ARHGEF38: variants seen among roughly 807,000 people sequenced by gnomAD.
ARHGEF38 encodes Rho guanine nucleotide exchange factor (GEF) 38.
ARHGEF38 carries 79 observed loss-of-function variants against 79.9 expected under a neutral mutation model. The ratio of observed to expected loss-of-function variants is 0.99; its 90% CI spans 0.82 to 1.19. The LOEUF is 1.19. Ranked by LOEUF, ARHGEF38 falls within the 50% of genes most tolerant of loss-of-function variation. The probability of loss-of-function intolerance (pLI) is 0.00; values close to 1 mark genes in which losing one functional copy is unlikely to be tolerated. For synonymous variants in ARHGEF38, 366 were observed against 328.3 expected, an observed-to-expected ratio of 1.11 and a Z score of -1.24; for missense variants, 962 against 907.2, an observed-to-expected ratio of 1.06 and a Z score of -0.78.
intron 1 of ARHGEF38, among the ~76,000 whole-genome samples, chr4:105,565,798 T>A (rs549511230): frequency 1.3e-5 from 2 of 152,200 alleles, no homozygotes; most frequent in African/African-American, 4.8e-5. Flanking sequence ...TTTCTTTAAA[T>A]GGCACCATGA....
chr4:105,554,942 A>G (rs3822274), intron 1 of ARHGEF38, among the ~76,000 whole-genome samples: 110,014 of 151,994 alleles, frequency 0.72, 41,265 homozygotes, highest in Non-Finnish European at 0.84. Flanking sequence ...CCCTAATGAC[A>G]TGTTTTTTCT....
intron 2 of ARHGEF38, among the ~76,000 whole-genome samples, chr4:105,595,190 C>G (rs1178133050): frequency 6.6e-6 from 1 of 152,130 alleles, no homozygotes; most frequent in Non-Finnish European, 1.5e-5. Context: ...TAGAGGCAAA[C>G]TCCATTACCA....
chr4:105,648,639 G>A lies in ARHGEF38; in HGVS notation c.965G>A (p.Arg322Lys), dbSNP rs1729955213. ...NIHSISKKSKRVTNHLKILTR... is the reference protein window; with the variant it reads ...NIHSISKKSKKVTNHLKILTR... The stretch of plus-strand genomic sequence containing the variant: ...CATTCAATTAGCAAGAAATCAAAAA[G>A]AGTGACAAATCATCTGAAGATTCTG... The change falls in exon 7 of 14, where the codon AGA becomes AAA. Residue 322 changes from arginine to lysine, a missense_variant. Transcript: ENST00000420470. The A allele has an allele frequency of 6.5e-7, 1 of 1,533,118 alleles. No homozygotes were observed. Among genetic ancestry groups the A allele is most frequent in the East Asian group, 2.4e-5 (1 of 40,836 alleles). 95.0% of individuals were successfully genotyped at this position (1,533,118 alleles called of 1,614,324 possible).
At chr4:105,609,628 A>C (rs1728199294) in intron 2 of ARHGEF38, among the ~76,000 whole-genome samples, 1 of 152,114 alleles carries the variant, frequency 6.6e-6, no homozygotes, top group South Asian at 2.1e-4. Flanking sequence ...ATGCAACCAC[A>C]CAAGACCCTG....
At chr4:105,641,883 A>G (rs1176251565) in intron 5 of ARHGEF38, among the ~76,000 whole-genome samples, 1 of 152,202 alleles carries the variant, frequency 6.6e-6, no homozygotes, top group Admixed American at 6.5e-5. Context: ...AGACCCAAAA[A>G]TAATTTGTAA....
chr4:105,645,889 C>T (rs1729819462), intron 6 of ARHGEF38, among the ~76,000 whole-genome samples: 1 of 152,180 alleles, frequency 6.6e-6, no homozygotes, highest in African/African-American at 2.4e-5. Context: ...AAGTATACTT[C>T]TTTCTAGAAT....
intron 1 of ARHGEF38, among the ~76,000 whole-genome samples, chr4:105,585,725 G>GTTTTTTTTTT (rs1491390111): frequency 2.8e-4 from 4 of 14,432 alleles, no homozygotes; most frequent in Non-Finnish European, 5.1e-4. Context: ...CCCCTCCGTT[G>GTTTTTTTTTT]CTTTTTTTTT....
intron 2 of ARHGEF38, among the ~76,000 whole-genome samples, chr4:105,602,740 G>A (rs997851695): frequency 6.6e-6 from 1 of 152,014 alleles, no homozygotes; most frequent in African/African-American, 2.4e-5. Flanking sequence ...ATCCAAACTC[G>A]GCTGAGTTTT....
rs1442524545 is a variant in ARHGEF38, at chr4:105,566,470, G to T, written c.196+13509G>T. ...AGGTGCATATATTTATGGGTTACAT[G>T]AGATATTCTGATACAGGCATGCAAT... On this transcript the variant is annotated intron_variant, in intron 1 of 13. Transcript: ENST00000420470. 5.9e-5 allele frequency among the ~76,000 whole-genome samples: 9 copies of T among 152,162 alleles called. No individual in the cohort carries two copies. The South Asian group carries it at 1.5e-3, about 25-fold the overall frequency.
At chr4:105,597,208 C>A (rs1053063502) in intron 2 of ARHGEF38, among the ~76,000 whole-genome samples, 1 of 151,824 alleles carries the variant, frequency 6.6e-6, no homozygotes, top group African/African-American at 2.4e-5. Flanking sequence ...CAAAATATAG[C>A]CAGTTTTCCT....
intron 1 of ARHGEF38, among the ~76,000 whole-genome samples, chr4:105,560,308 TCTC>T (rs1380651794): frequency 1.3e-5 from 2 of 152,220 alleles, no homozygotes; most frequent in African/African-American, 4.8e-5. Context: ...AGCTTAATGA[TCTC>T]CATTTCCTGC....
At chr4:105,581,148 C>T (rs893671452) in intron 1 of ARHGEF38, among the ~76,000 whole-genome samples, 3 of 151,952 alleles carry the variant, frequency 2.0e-5, no homozygotes, top group Admixed American at 6.6e-5. Context: ...ACAGGATTCC[C>T]AGCTTTCTCT....
chr4:105,577,561 G>A (rs199316), intron 1 of ARHGEF38, among the ~76,000 whole-genome samples: 94,218 of 151,456 alleles, frequency 0.62, 31,671 homozygotes, highest in East Asian at 0.92. Context: ...TTTTGTTGTT[G>A]TTGTTGTTGT....
intron 10 of ARHGEF38, among the ~76,000 whole-genome samples, chr4:105,662,915 G>A (rs1421795109): frequency 6.6e-6 from 1 of 152,162 alleles, no homozygotes; most frequent in East Asian, 1.9e-4. Flanking sequence ...AGCCAAACAA[G>A]AGCATAGAGA....
Position 105,569,054 on chromosome 4 carries a change from C to T in ARHGEF38, c.196+16093C>T, listed in dbSNP as rs758263183. Among the ~76,000 whole-genome samples the T allele has an allele frequency of 9.9e-5, 15 of 152,044 alleles. 1 individual carries two copies. The highest frequency in any genetic ancestry group is 2.1e-4 in the Non-Finnish European group (14 of 67,998). On this transcript the variant is annotated intron_variant, in intron 1 of 13. Transcript: ENST00000420470. ...ATTGGTAGCTATTGAAAAACAATAT[C>T]AGAGGGGAACCTTAATCTAAATAAA...
intron 2 of ARHGEF38, among the ~76,000 whole-genome samples, chr4:105,601,521 G>C (rs1291186796): frequency 6.6e-6 from 1 of 152,108 alleles, no homozygotes; most frequent in East Asian, 1.9e-4. Flanking sequence ...TAATGAGTGG[G>C]TTAACTCTGT....
chr4:105,558,245 T>A (rs186591922), intron 1 of ARHGEF38, among the ~76,000 whole-genome samples: 2 of 152,304 alleles, frequency 1.3e-5, no homozygotes, highest in South Asian at 2.1e-4. Flanking sequence ...AAATGTTTTT[T>A]AAGAATATAG....
At chr4:105,634,778 G>C (rs558287309) in intron 4 of ARHGEF38, among the ~76,000 whole-genome samples, 1 of 152,054 alleles carries the variant, frequency 6.6e-6, no homozygotes, top group Non-Finnish European at 1.5e-5. Flanking sequence ...TGTTATAAAT[G>C]TATCTGTATT....
At position 105,561,459 on chromosome 4, in the gene ARHGEF38, A is replaced by AGAATGGAATG. The variant is rs1578253520; in HGVS notation, c.196+8502_196+8503insGGAATGGAAT. 1.5e-3 allele frequency: 56 copies of AGAATGGAATG among 38,066 alleles called. 1 individual carries two copies. Among genetic ancestry groups the AGAATGGAATG allele is most frequent in the South Asian group, 0.013 (13 of 1,036 alleles). 2.4% of individuals were successfully genotyped at this position (38,066 alleles called of 1,614,324 possible). On this transcript the variant is annotated intron_variant, in intron 1 of 13. Transcript: ENST00000420470. ...AGAATAGAATAGAATGGAATAGAATAGAATAGAATAGAATAGAATAGAATA... is the reference window on the plus strand; with the variant it reads ...AGAATAGAATAGAATGGAATAGAATAGAATGGAATGGAATAGAATAGAATAGAATAGAATA...
Sources: gnomAD v4.1 joint callset for allele counts (sites outside exome capture counted in the v4.1 genomes callset) on GRCh38, gnomAD v4.1.1 for gene constraint, MANE v1.5 for transcripts, NCBI Gene and HGNC (gene_info 2026-07-23, HGNC 2026-07-21) for gene names.